The following WDFY4 variants were observed in gnomAD, a reference collection of about 807,000 sequenced individuals.
WDFY4 encodes the protein WD repeat- and FYVE domain-containing protein 4.
In WDFY4, 169 loss-of-function variants were observed where a neutral mutation model predicts 351.9. The ratio of observed to expected loss-of-function variants is 0.48; its 90% CI spans 0.42 to 0.55. The LOEUF (loss-of-function observed/expected upper bound fraction) is 0.55, where lower values mean the gene tolerates loss of function less well. WDFY4 is among the 20% of genes least tolerant of loss of function. The pLI, the probability that WDFY4 is intolerant of heterozygous loss-of-function variation, is 0.00. For synonymous variants in WDFY4, 1,622 were observed against 1,574.6 expected, an observed-to-expected ratio of 1.03 and a Z score of -0.71; for missense variants, 3,803 against 3,935.6, an observed-to-expected ratio of 0.97 and a Z score of 0.90.
At chr10:48,929,274 G>A (rs1839841029) in intron 47 of WDFY4, among the ~76,000 whole-genome samples, 1 of 151,740 alleles carries the variant, frequency 6.6e-6, no homozygotes, top group African/African-American at 2.4e-5. Context: ...AGGAAGGGAG[G>A]GTGGGAGGAG....
At chr10:48,797,920 G>A (rs2066928106) in intron 24 of WDFY4, among the ~76,000 whole-genome samples, 1 of 152,164 alleles carries the variant, frequency 6.6e-6, no homozygotes, top group Non-Finnish European at 1.5e-5. Flanking sequence ...TGTGACTTCG[G>A]TGACAAGAGC....
rs190860545 is a variant in WDFY4 at position 48,890,669 on chromosome 10, G to C, written c.7258G>C (p.Glu2420Gln). The change falls in exon 44 of 62, where the codon GAG becomes CAG. Residue 2420 changes from glutamate (E) to glutamine (Q), a missense_variant. Physicochemically the swap from Glu to Gln is conservative, Grantham distance 29. This residue lies in a region of WDFY4 where 3,054 missense variants were observed against 3,148.6 expected (regional missense o/e 0.97). Transcript: ENST00000325239. ...TGGCCACCAACACTTCTACATCTGC[G>C]AGAACTTCACACTGTCTCCCACGGG... ...LFGHQHFYIC[E>Q]NFTLSPTGDV... 6.8e-5 allele frequency: 105 copies of C among 1,551,548 alleles called. No homozygotes were observed. The highest frequency in any genetic ancestry group is 9.0e-5 in the Non-Finnish European group (103 of 1,146,986).
chr10:48,946,994 A>T, intron 51 of WDFY4, 25 bp downstream of exon 51: 1 of 1,093,216 alleles, frequency 9.1e-7, no homozygotes, highest in Non-Finnish European at 1.3e-6. Context: ...CTCTCTGTAC[A>T]CACACACACA....
chr10:48,883,389 G>GGTGTGTGT (rs71026226), intron 43 of WDFY4, among the ~76,000 whole-genome samples: 1 of 150,584 alleles, frequency 6.6e-6, no homozygotes, highest in Non-Finnish European at 1.5e-5. Context: ...TTGTGCAAGG[G>GGTGTGTGT]GTGTGTGTGT....
At position 48,858,425 on chromosome 10, in the gene WDFY4, C is replaced by T. The variant is rs1204356409; in HGVS notation, c.6664-8840C>T. On this transcript the variant is annotated intron_variant, in intron 39 of 61. Transcript: ENST00000325239. ...ACGAGACTTAGGTTCATTTTTTGGG[C>T]AATGGACATCCAATTGCTCCAACAC... Among the ~76,000 whole-genome samples the T allele has an allele frequency of 2.6e-5, 4 of 152,144 alleles. No individual in the cohort carries two copies. In the East Asian group the frequency reaches 7.7e-4, roughly 29 times the overall value.
intron 25 of WDFY4, 38 bp downstream of exon 25, chr10:48,803,397 A>G: frequency 6.5e-7 from 1 of 1,544,698 alleles, no homozygotes; most frequent in South Asian, 1.2e-5. Flanking sequence ...TTAGAACTGA[A>G]GGCTGAATGT....
In WDFY4 at chr10:48,769,088, T is replaced by C. The variant is rs961494066; in HGVS notation, c.2554-5370T>C. On this transcript the variant is annotated intron_variant, in intron 13 of 61. Coordinates refer to ENST00000325239, the MANE Select transcript of WDFY4 (RefSeq NM_001394531.1). Reference sequence around the variant, plus strand: ...CAGGACGAATTGCCCACCATCTGCATGTAATTTGGAAAGGAAACAGAAAGT... The same window carrying C: ...CAGGACGAATTGCCCACCATCTGCACGTAATTTGGAAAGGAAACAGAAAGT... Among the ~76,000 whole-genome samples, 5 of 152,176 alleles carry C rather than the reference T, an allele frequency of 3.3e-5. No individual in the cohort carries two copies. The South Asian group carries it at 1.0e-3, about 31-fold the overall frequency.
intron 12 of WDFY4, among the ~76,000 whole-genome samples, chr10:48,752,722 T>C (rs186981041): frequency 4.9e-4 from 74 of 152,378 alleles, no homozygotes; most frequent in African/African-American, 1.7e-3. Context: ...CTTTCCTTTT[T>C]ACAATAAAAT....
chr10:48,928,115 C>G (rs1005700382), intron 47 of WDFY4, among the ~76,000 whole-genome samples: 3 of 152,298 alleles, frequency 2.0e-5, no homozygotes, highest in Admixed American at 6.5e-5. Flanking sequence ...CTCCTCACAG[C>G]TCCTCTCCTC....
At position 48,943,375 on chromosome 10, in the gene WDFY4, G is replaced by A. The variant is rs188073065; in HGVS notation, c.7675G>A (p.Ala2559Thr). The change falls in exon 49 of 62, where the codon GCG (alanine) becomes ACG (threonine). Residue 2559 changes from alanine (A) to threonine (T), a missense_variant. Ala to Thr is a moderately conservative substitution (Grantham distance 58). Coordinates refer to ENST00000325239, the MANE Select transcript of WDFY4 (RefSeq NM_001394531.1). ...NFEYLMYLNT[A>T]AGRTCNDYMQ... ...TGAGTATCTCATGTACCTCAACACCGCGGCTGGGAGAACCTGCAATGACTA... is the reference window on the plus strand; with the variant it reads ...TGAGTATCTCATGTACCTCAACACCACGGCTGGGAGAACCTGCAATGACTA... 3,679 of 1,551,750 alleles carry A rather than the reference G, an allele frequency of 2.4e-3. 4 individuals are homozygous for A. Among genetic ancestry groups the A allele is most frequent in the Non-Finnish European group, 3.0e-3 (3,465 of 1,146,994 alleles).
chr10:48,819,421 G>T (rs1159588181), intron 32 of WDFY4, among the ~76,000 whole-genome samples: 11 of 152,224 alleles, frequency 7.2e-5, no homozygotes, highest in Non-Finnish European at 1.5e-4. Flanking sequence ...CTCCCTAGGT[G>T]CCATTAAATT....
chr10:48,825,664 A>G (rs1266799519), intron 35 of WDFY4, among the ~76,000 whole-genome samples: 1 of 152,102 alleles, frequency 6.6e-6, no homozygotes, highest in Non-Finnish European at 1.5e-5. Flanking sequence ...GGCATGAGAT[A>G]GTATCTCATT....
intron 19 of WDFY4, among the ~76,000 whole-genome samples, chr10:48,781,561 G>C (rs1161446203): frequency 6.6e-6 from 1 of 152,154 alleles, no homozygotes; most frequent in Non-Finnish European, 1.5e-5. Flanking sequence ...CTCCCAAAGT[G>C]CTGGGATAAC....
Position 48,806,049 on chromosome 10 carries a change from T to A in WDFY4, c.4692T>A (p.Asn1564Lys). The A allele has an allele frequency of 6.4e-7, 1 of 1,551,666 alleles. No individual in the cohort carries two copies. The highest frequency in any genetic ancestry group is 8.7e-7 in the Non-Finnish European group (1 of 1,146,992). The change falls in exon 27 of 62, where the codon AAT (asparagine) becomes AAA (lysine). Residue 1564 changes from asparagine (N) to lysine (K), a missense_variant. Asn to Lys is a moderately conservative substitution (Grantham distance 94, BLOSUM62 0). Transcript: ENST00000325239. ...VVYTLKPSSV[N>K]ERQICMDGAL... ...ACACCCTCAAGCCTTCGTCGGTGAA[T>A]GAGAGGCAGATCTGCATGGACGGAG...
intron 9 of WDFY4, 50 bp downstream of exon 9, chr10:48,731,612 G>A (rs766517286): frequency 1.8e-4 from 276 of 1,508,476 alleles, no homozygotes; most frequent in Non-Finnish European, 2.4e-4. Flanking sequence ...TGTCAGCCAG[G>A]CCTGACCTTT....
chr10:48,826,721 C>G lies in WDFY4; in HGVS notation c.6033C>G (p.Tyr2011Ter). Residue 2011 changes from tyrosine (Y) to a stop codon, truncating the protein, a stop_gained, in exon 36 of 62, where the codon TAC becomes TAG. Coordinates refer to ENST00000325239, the MANE Select transcript of WDFY4 (RefSeq NM_001394531.1). LOFTEE classifies it high-confidence loss of function. ...GGGACACTGTCCTCAGCACTTTATA[C>G]AGCAGTTTAAATAAAGTCATTCTTT... ...SQRDTVLSTL[Y>*]SSLNKVILYC... 1 of 1,551,772 alleles carries G rather than the reference C, an allele frequency of 6.4e-7. No individual in the cohort carries two copies.
chr10:48,728,402 T>C (rs1350843492), intron 7 of WDFY4, among the ~76,000 whole-genome samples: 1 of 152,196 alleles, frequency 6.6e-6, no homozygotes, highest in Non-Finnish European at 1.5e-5. Flanking sequence ...AAGAAATGCC[T>C]TGATGGCCCA....
In WDFY4 at chr10:48,731,548, T is replaced by A; in HGVS notation, c.1568T>A (p.Ile523Asn). 1 of 1,550,664 alleles carries A rather than the reference T, an allele frequency of 6.4e-7. No homozygotes were observed. Among genetic ancestry groups the A allele is most frequent in the South Asian group, 1.2e-5 (1 of 84,032 alleles). Residue 523 changes from isoleucine to asparagine, a missense_variant, in exon 9 of 62, where the codon ATC becomes AAC. Physicochemically the swap from Ile to Asn is moderately radical, Grantham distance 149. Coordinates refer to ENST00000325239, the MANE Select transcript of WDFY4 (RefSeq NM_001394531.1). Reference sequence around the variant, plus strand: ...GCACAGCTTCGGAAGCAAGCCAAGATCATGAGGAAGTCAGGTGCCACTGGG... The same window carrying A: ...GCACAGCTTCGGAAGCAAGCCAAGAACATGAGGAAGTCAGGTGCCACTGGG... ...LLAQLRKQAK[I>N]MRKSGNKVST...
chr10:48,728,373 C>G (rs6537573), intron 7 of WDFY4, among the ~76,000 whole-genome samples: 146,167 of 152,298 alleles, frequency 0.96, 70,438 homozygotes, highest in East Asian at 1. Flanking sequence ...GGATTACAGA[C>G]AGCAAGGGAT....
Sources: gnomAD v4.1 joint callset for allele counts (sites outside exome capture counted in the v4.1 genomes callset) on GRCh38, gnomAD v4.1.1 for gene constraint, gnomAD v4.1.1 regional missense constraint, MANE v1.5 for transcripts, NCBI Gene and HGNC (gene_info 2026-07-23, HGNC 2026-07-21) for gene names.